The following PARD3 variants were observed in gnomAD, a reference collection of about 807,000 sequenced individuals.
PARD3 encodes the protein par-3 family cell polarity regulator, also known as partitioning defective 3 homolog.
Under a neutral mutation model 155.4 loss-of-function variants are expected in PARD3, and 75 were observed. The ratio of observed to expected loss-of-function variants is 0.48; its 90% CI spans 0.40 to 0.58. The LOEUF (loss-of-function observed/expected upper bound fraction) is 0.58. Ranked by LOEUF, PARD3 falls within the 20% of genes least tolerant of loss-of-function variation. The probability of loss-of-function intolerance (pLI) is 0.00; values close to 1 mark genes in which losing one functional copy is unlikely to be tolerated. For missense variants in PARD3, 1,642 were observed against 1,721.7 expected (o/e 0.95, Z 0.82); for synonymous variants, 576 against 610.5 (o/e 0.94, Z 0.83).
chr10:34,743,534 T>G (rs894004768), intron 1 of PARD3, among the ~76,000 whole-genome samples: 1 of 152,178 alleles, frequency 6.6e-6, no homozygotes, highest in African/African-American at 2.4e-5. Flanking sequence ...AAATCTACAC[T>G]AAATTTCAGG....
chr10:34,371,520 A>AAAAAAAAAAAAAAAAAAAAAAAAAAAAAG (rs1840640238), intron 12 of PARD3, among the ~76,000 whole-genome samples: 1 of 78,168 alleles, frequency 1.3e-5, no homozygotes, highest in Non-Finnish European at 2.2e-5. Context: ...AAAAAAAAAA[A>AAAAAAAAAAAAAAAAAAAAAAAAAAAAAG]AAAAAAAAAA....
chr10:34,809,334 A>G (rs752719573), intron 1 of PARD3, among the ~76,000 whole-genome samples: 14 of 152,182 alleles, frequency 9.2e-5, no homozygotes, highest in Non-Finnish European at 1.5e-4. Context: ...CACCGCTTCA[A>G]GCATTTCACC....
intron 2 of PARD3, among the ~76,000 whole-genome samples, chr10:34,662,972 C>T (rs1697827464): frequency 6.6e-6 from 1 of 151,714 alleles, no homozygotes; most frequent in South Asian, 2.1e-4. Flanking sequence ...TTTGTGGGAG[C>T]TAAAAATTAA....
At chr10:34,367,412 T>C (rs1352794035) in intron 12 of PARD3, among the ~76,000 whole-genome samples, 2 of 152,198 alleles carry the variant, frequency 1.3e-5, no homozygotes, top group East Asian at 1.9e-4. Context: ...TATAAGAAAA[T>C]GTCCTCCTTC....
At chr10:34,237,633 A>G (rs1953319324) in intron 22 of PARD3, among the ~76,000 whole-genome samples, 1 of 152,198 alleles carries the variant, frequency 6.6e-6, no homozygotes, top group Non-Finnish European at 1.5e-5. Context: ...TACATAAACT[A>G]TGAACATATA....
At chr10:34,304,261 C>T (rs574488964) in intron 20 of PARD3, among the ~76,000 whole-genome samples, 21 of 151,034 alleles carry the variant, frequency 1.4e-4, no homozygotes, top group African/African-American at 5.1e-4. Flanking sequence ...TTTGGGAGGC[C>T]GAGGTGGGAG....
intron 2 of PARD3, among the ~76,000 whole-genome samples, chr10:34,552,075 C>T (rs941296623): frequency 1.3e-5 from 2 of 152,124 alleles, no homozygotes; most frequent in African/African-American, 4.8e-5. Context: ...TCCTATTTCC[C>T]ACTCAGTGCT....
chr10:34,382,398 T>C, intron 9 of PARD3, 142 bp downstream of exon 9: 2 of 752,868 alleles, frequency 2.7e-6, no homozygotes, highest in African/African-American at 1.8e-5. Flanking sequence ...AAAAAATCTA[T>C]CAGTTCTTTC....
chr10:34,641,438 G>A lies in PARD3; in HGVS notation c.222+54880C>T, dbSNP rs567294665. On this transcript the variant is annotated intron_variant, in intron 2 of 24. Transcript: ENST00000374788. ...TACCTGGGCTAACGTCTGCAATGGC[G>A]GAACCTGAAAGTATTTGAGCCCTGC... is the stretch of plus-strand genomic sequence containing the variant. Among the ~76,000 whole-genome samples the A allele has an allele frequency of 1.4e-3, 208 of 152,192 alleles. 1 individual carries two copies. The highest frequency in any genetic ancestry group is 2.6e-3 in the Non-Finnish European group (177 of 68,036).
chr10:34,623,519 C>CT (rs1276997536), intron 2 of PARD3, among the ~76,000 whole-genome samples: 3 of 152,142 alleles, frequency 2.0e-5, no homozygotes, highest in South Asian at 2.1e-4. Flanking sequence ...GTTTTACTGT[C>CT]TTAATAAAAC....
At chr10:34,394,783 T>C (rs1198133881) in intron 7 of PARD3, among the ~76,000 whole-genome samples, 1 of 152,154 alleles carries the variant, frequency 6.6e-6, no homozygotes, top group Non-Finnish European at 1.5e-5. Flanking sequence ...GGCCAGGATG[T>C]ATCATTACCG....
intron 1 of PARD3, among the ~76,000 whole-genome samples, chr10:34,732,103 C>T (rs2094828858): frequency 6.6e-6 from 1 of 152,022 alleles, no homozygotes; most frequent in African/African-American, 2.4e-5. Flanking sequence ...AAGGGCTATT[C>T]GATGAAAACA....
In PARD3 at chr10:34,275,305, G is replaced by T. The variant is rs927185752; in HGVS notation, c.3177-5406C>A. 3.9e-5 allele frequency among the ~76,000 whole-genome samples: 6 copies of T among 152,288 alleles called. No individual in the cohort carries two copies. The East Asian group carries it at 1.2e-3, about 29-fold the overall frequency. On this transcript the variant is annotated intron_variant, in intron 21 of 24. Transcript: ENST00000374788. Reference sequence around the variant, plus strand: ...TCCAATGTGGCAGCTTACACTGGTGGTGAAAACCTTAGAATAAAACTATAG... The same window carrying T: ...TCCAATGTGGCAGCTTACACTGGTGTTGAAAACCTTAGAATAAAACTATAG...
intron 2 of PARD3, among the ~76,000 whole-genome samples, chr10:34,583,130 T>C (rs912720786): frequency 3.3e-5 from 5 of 152,174 alleles, no homozygotes; most frequent in African/African-American, 1.2e-4. Flanking sequence ...TGGTGGTATA[T>C]AACCCCAACT....
intron 8 of PARD3, among the ~76,000 whole-genome samples, 179 bp from the exon 9 acceptor site, chr10:34,383,101 T>C (rs564836154): frequency 6.6e-5 from 10 of 152,330 alleles, no homozygotes; most frequent in Middle Eastern, 3.4e-3. Context: ...TCAATAGCTG[T>C]TTCTTCAAAT....
chr10:34,566,921 T>C (rs2085992549), intron 2 of PARD3, among the ~76,000 whole-genome samples: 1 of 152,188 alleles, frequency 6.6e-6, no homozygotes, highest in Non-Finnish European at 1.5e-5. Context: ...AGAGTAAAAA[T>C]GACAAGAATA....
chr10:34,239,293 C>T lies in PARD3; in HGVS notation c.3419+30364G>A, dbSNP rs1291481464. On this transcript the variant is annotated intron_variant, in intron 22 of 24. Coordinates refer to ENST00000374788, the MANE Select transcript of PARD3 (RefSeq NM_001184785.2). ...AGAATGTGGAGAACAGCTCTAGGCA[C>T]GGTGGCCGATGGAAGGGTGCTCACT... is the stretch of plus-strand genomic sequence containing the variant. 1.1e-4 allele frequency among the ~76,000 whole-genome samples: 17 copies of T among 152,174 alleles called. No homozygotes were observed. The East Asian group carries it at 1.3e-3, about 12-fold the overall frequency.
At chr10:34,548,215 G>A (rs921535938) in intron 2 of PARD3, among the ~76,000 whole-genome samples, 1 of 152,148 alleles carries the variant, frequency 6.6e-6, no homozygotes, top group Non-Finnish European at 1.5e-5. Flanking sequence ...GCAGGCGGGC[G>A]TGGTGGCTCA....
intron 21 of PARD3, among the ~76,000 whole-genome samples, chr10:34,274,278 G>A (rs2570338): frequency 0.2 from 31,002 of 151,844 alleles, 4,700 homozygotes; most frequent in African/African-American, 0.43. Flanking sequence ...AAATTTTTAC[G>A]CCATTTATCC....
Sources: allele counts gnomAD v4.1 joint callset (sites outside exome capture counted in the v4.1 genomes callset), GRCh38; gene constraint gnomAD v4.1.1; transcripts MANE v1.5; gene names NCBI Gene and HGNC (gene_info 2026-07-23, HGNC 2026-07-21).